Variants in XRCC4 observed in about 807,000 individuals in gnomAD.
The protein encoded by XRCC4 is DNA repair protein XRCC4.
In XRCC4, 28 loss-of-function variants were observed where a neutral mutation model predicts 39.1. The observed-to-expected ratio is 0.72, with a 90% CI of 0.53 to 0.98. XRCC4 has a LOEUF of 0.98. XRCC4 is among the 50% of genes least tolerant of loss of function. The pLI is 0.00. For synonymous variants in XRCC4, 123 were observed against 126.4 expected, an observed-to-expected ratio of 0.97 and a Z score of 0.18; for missense variants, 350 against 376.4, an observed-to-expected ratio of 0.93 and a Z score of 0.58.
chr5:83,283,902 C>T (rs775728353), intron 7 of XRCC4, among the ~76,000 whole-genome samples: 2 of 151,750 alleles, frequency 1.3e-5, no homozygotes, highest in African/African-American at 2.4e-5. Context: ...TGGTTTCTTT[C>T]GCATTTTAAT....
rs1757142218 is a variant in XRCC4 at position 83,353,364 on chromosome 5, A to G, written c.*122A>G. 1.3e-6 allele frequency: 1 copy of G among 749,780 alleles called. No homozygotes were observed. Among genetic ancestry groups the G allele is most frequent in the Non-Finnish European group, 2.1e-6 (1 of 468,602 alleles). The allele number at this position is 749,780 out of a possible 1,614,324, so 46.4% of individuals were successfully genotyped here. On this transcript the variant is annotated 3_prime_UTR_variant, in exon 8 of 8. Transcript: ENST00000396027. ...CGTATCTTACAATTTAATTACATAC[A>G]CAGTGAATTGAAACCATTGTGCAAA... is the stretch of plus-strand genomic sequence containing the variant.
chr5:83,190,178 A>C (rs370981790), intron 3 of XRCC4, among the ~76,000 whole-genome samples: 1 of 152,330 alleles, frequency 6.6e-6, no homozygotes, highest in Non-Finnish European at 1.5e-5. Flanking sequence ...AAGTTGATCA[A>C]CTTGTAGTTG....
chr5:83,102,755 C>G (rs559415927), intron 1 of XRCC4, among the ~76,000 whole-genome samples: 1 of 152,100 alleles, frequency 6.6e-6, no homozygotes, highest in African/African-American at 2.4e-5. Flanking sequence ...AAGCATACCT[C>G]TTTCATGGTC....
chr5:83,111,280 A>G (rs963679806), intron 3 of XRCC4, 77 bp downstream of exon 3: 80 of 1,205,042 alleles, frequency 6.6e-5, no homozygotes, highest in Non-Finnish European at 8.7e-5. Context: ...AATTTAAGTG[A>G]CTACTATATT....
At chr5:83,169,081 T>C (rs1180312501) in intron 3 of XRCC4, among the ~76,000 whole-genome samples, 9 of 152,206 alleles carry the variant, frequency 5.9e-5, no homozygotes, top group Non-Finnish European at 1.3e-4. Flanking sequence ...TCTGATGTGC[T>C]CAATCATTTT....
At chr5:83,215,835 A>G (rs1289772682) in intron 6 of XRCC4, among the ~76,000 whole-genome samples, 5 of 152,186 alleles carry the variant, frequency 3.3e-5, no homozygotes, top group African/African-American at 1.2e-4. Context: ...AAAATGGATC[A>G]TAGGCCTATA....
chr5:83,150,880 A>G (rs1355497273), intron 3 of XRCC4, among the ~76,000 whole-genome samples: 2 of 152,108 alleles, frequency 1.3e-5, no homozygotes, highest in Admixed American at 1.3e-4. Context: ...GATTTTTTAT[A>G]TTGTAATTGA....
At chr5:83,206,604 A>G (rs915127358) in intron 6 of XRCC4, among the ~76,000 whole-genome samples, 1 of 152,108 alleles carries the variant, frequency 6.6e-6, no homozygotes, top group Non-Finnish European at 1.5e-5. Flanking sequence ...ATTTCACTGT[A>G]AAAAATGGGA....
intron 2 of XRCC4, among the ~76,000 whole-genome samples, chr5:83,107,166 C>G (rs1381311596): frequency 6.6e-6 from 1 of 151,956 alleles, no homozygotes; most frequent in Non-Finnish European, 1.5e-5. Context: ...TTAAATCTCT[C>G]ATGTGTTTTA....
chr5:83,361,894 T>A, the XRCC4 span, among the ~76,000 whole-genome samples: 1 of 152,128 alleles, frequency 6.6e-6, no homozygotes, highest in Non-Finnish European at 1.5e-5. Context: ...ATTGACAACA[T>A]ATATCCATAG....
chr5:83,259,665 G>A (rs981347245), intron 7 of XRCC4, among the ~76,000 whole-genome samples: 4 of 152,030 alleles, frequency 2.6e-5, no homozygotes, highest in South Asian at 2.1e-4. Context: ...TGGAAAATAC[G>A]TTTCATAAAG....
At chr5:83,206,788 A>C (rs1029281488) in intron 6 of XRCC4, among the ~76,000 whole-genome samples, 2 of 152,136 alleles carry the variant, frequency 1.3e-5, no homozygotes, top group African/African-American at 4.8e-5. Context: ...TGTCTCTAAA[A>C]ATATAAGTGG....
chr5:83,078,961 G>A (rs936800309), intron 1 of XRCC4, among the ~76,000 whole-genome samples: 15 of 152,192 alleles, frequency 9.9e-5, no homozygotes, highest in Admixed American at 3.3e-4. Context: ...ATTATGTTGT[G>A]CAATTTATCG....
intron 3 of XRCC4, among the ~76,000 whole-genome samples, chr5:83,148,039 CG>C: frequency 6.6e-6 from 1 of 152,080 alleles, no homozygotes. Context: ...TCGCCCTCCT[CG>C]GCCTCCCAAA....
At chr5:83,118,935 T>G (rs1177512640) in intron 3 of XRCC4, among the ~76,000 whole-genome samples, 2 of 152,238 alleles carry the variant, frequency 1.3e-5, no homozygotes, top group Non-Finnish European at 2.9e-5. Flanking sequence ...TAAGTATACT[T>G]TAAAGGATAA....
chr5:83,297,957 G>T (rs1755151183), intron 7 of XRCC4, among the ~76,000 whole-genome samples: 1 of 151,884 alleles, frequency 6.6e-6, no homozygotes, highest in African/African-American at 2.4e-5. Context: ...ATTCCCATTT[G>T]AAATGTATTC....
At chr5:83,140,188 A>G (rs1748097759) in intron 3 of XRCC4, among the ~76,000 whole-genome samples, 1 of 152,228 alleles carries the variant, frequency 6.6e-6, no homozygotes, top group South Asian at 2.1e-4. Flanking sequence ...GTGAAGTCCC[A>G]CGACAGGGCG....
At chr5:83,100,028 G>A (rs1484057466) in intron 1 of XRCC4, among the ~76,000 whole-genome samples, 1 of 152,136 alleles carries the variant, frequency 6.6e-6, no homozygotes, top group Non-Finnish European at 1.5e-5. Context: ...ATCTCAGTAA[G>A]TAAAAGAATG....
intron 7 of XRCC4, among the ~76,000 whole-genome samples, chr5:83,342,024 T>C (rs1756776013): frequency 6.6e-6 from 1 of 152,178 alleles, no homozygotes; most frequent in Admixed American, 6.6e-5. Flanking sequence ...GGAATAACTT[T>C]CCACCAACGT....
Sources: allele counts gnomAD v4.1 joint callset (sites outside exome capture counted in the v4.1 genomes callset), GRCh38; gene constraint gnomAD v4.1.1; transcripts MANE v1.5; gene names NCBI Gene and HGNC (gene_info 2026-07-23, HGNC 2026-07-21).